Variants in ZFYVE1 observed in about 807,000 individuals in gnomAD.
The protein encoded by ZFYVE1 is zinc finger FYVE domain-containing protein 1.
ZFYVE1 carries 30 observed loss-of-function variants against 74.4 expected under a neutral mutation model. The observed-to-expected ratio is 0.40, with a 90% CI of 0.30 to 0.55. The LOEUF (loss-of-function observed/expected upper bound fraction) is 0.55, where lower values mean the gene tolerates loss of function less well. Ranked by LOEUF, ZFYVE1 falls within the 20% of genes least tolerant of loss-of-function variation. ZFYVE1 has a pLI of 0.42. For synonymous variants in ZFYVE1, 335 were observed against 385.1 expected, an observed-to-expected ratio of 0.87 and a Z score of 1.52; for missense variants, 703 against 1,011.6, an observed-to-expected ratio of 0.69 and a Z score of 4.14.
chr14:73,020,747 T>C (rs1462885604), intron 2 of ZFYVE1, among the ~76,000 whole-genome samples: 1 of 151,834 alleles, frequency 6.6e-6, no homozygotes, highest in African/African-American at 2.4e-5. Flanking sequence ...GAAGCCAGGG[T>C]AGGAGAATCA....
At chr14:72,999,664 T>G (rs1241751051) in intron 2 of ZFYVE1, among the ~76,000 whole-genome samples, 1 of 152,040 alleles carries the variant, frequency 6.6e-6, no homozygotes, top group Non-Finnish European at 1.5e-5. Flanking sequence ...CATGGTGGCA[T>G]CCATTTGTAA....
chr14:72,980,364 T>C (rs1320604833), intron 5 of ZFYVE1, among the ~76,000 whole-genome samples: 1 of 152,070 alleles, frequency 6.6e-6, no homozygotes, highest in Admixed American at 6.6e-5. Flanking sequence ...GTGGAAGGGA[T>C]TGTCTACAGG....
intron 2 of ZFYVE1, among the ~76,000 whole-genome samples, chr14:73,009,485 G>A (rs570457340): frequency 2.1e-3 from 313 of 152,330 alleles, no homozygotes; most frequent in African/African-American, 6.9e-3. Context: ...GGCTGGGCGC[G>A]GAGGCTCACG....
chr14:73,016,711 G>C (rs539853309), intron 2 of ZFYVE1, among the ~76,000 whole-genome samples: 89 of 148,304 alleles, frequency 6.0e-4, no homozygotes, highest in Non-Finnish European at 1.0e-3. Flanking sequence ...GTGAAACCTC[G>C]TCTCTACTAA....
At chr14:72,988,522 T>C (rs1264390569) in intron 4 of ZFYVE1, among the ~76,000 whole-genome samples, 2 of 151,674 alleles carry the variant, frequency 1.3e-5, no homozygotes, top group East Asian at 3.9e-4. Flanking sequence ...AATAGGCATT[T>C]CGGGCCTGGC....
In ZFYVE1 at chr14:72,993,368, A is replaced by G; in HGVS notation, c.989-11T>C. 6.2e-7 allele frequency: 1 copy of G among 1,605,656 alleles called. No individual in the cohort carries two copies. Among genetic ancestry groups the G allele is most frequent in the East Asian group, 2.2e-5 (1 of 44,674 alleles). ...CCTCTGAGGGATGATCTATACAAGC[A>G]GAAACACAGGCACATGGGTAGTGAG... On this transcript the variant is annotated splice_polypyrimidine_tract_variant and intron_variant, in intron 3 of 11. Coordinates refer to ENST00000556143, the MANE Select transcript of ZFYVE1 (RefSeq NM_021260.4).
chr14:73,019,351 G>A (rs1048622892), intron 2 of ZFYVE1, among the ~76,000 whole-genome samples: 34 of 152,102 alleles, frequency 2.2e-4, no homozygotes, highest in African/African-American at 8.2e-4. Flanking sequence ...GAGGCTGTAA[G>A]TGGAAGGATT....
intron 4 of ZFYVE1, among the ~76,000 whole-genome samples, chr14:72,983,279 C>T (rs1000023711): frequency 1.9e-4 from 29 of 151,530 alleles, no homozygotes; most frequent in Non-Finnish European, 3.8e-4. Context: ...ACATGTGCCA[C>T]GTTGGTGTGC....
chr14:72,993,163 C>T lies in ZFYVE1; in HGVS notation c.1183G>A (p.Val395Ile). The T allele has an allele frequency of 6.2e-7, 1 of 1,610,102 alleles. No individual in the cohort carries two copies. The highest frequency in any genetic ancestry group is 8.5e-7 in the Non-Finnish European group (1 of 1,177,628). The change falls in exon 4 of 12, where the codon GTC becomes ATC. Residue 395 changes from valine to isoleucine, a missense_variant. This residue lies in a region of ZFYVE1 where 492 missense variants were observed against 790.0 expected (regional missense o/e 0.62). Transcript: ENST00000556143. ...NTTRSPRHPG[V>I]IFKALKALSD... is the part of the protein sequence containing the mutation. ...CTGACCTTCAGGGCTTTGAAGATGA[C>T]TCCCGGGTGCCGGGGAGAACGGGTG...
chr14:72,995,680 T>C (rs765310703), intron 3 of ZFYVE1, among the ~76,000 whole-genome samples: 1 of 152,220 alleles, frequency 6.6e-6, no homozygotes, highest in Non-Finnish European at 1.5e-5. Context: ...TCACCTCCTC[T>C]CCTTATCTTC....
intron 1 of ZFYVE1, among the ~76,000 whole-genome samples, chr14:73,025,971 C>T (rs569806304): frequency 1.3e-5 from 2 of 152,234 alleles, no homozygotes; most frequent in African/African-American, 2.4e-5. Flanking sequence ...AACTTTAGAT[C>T]TATCAAATAC....
At chr14:73,009,753 C>A (rs936790474) in intron 2 of ZFYVE1, among the ~76,000 whole-genome samples, 3 of 151,920 alleles carry the variant, frequency 2.0e-5, no homozygotes, top group African/African-American at 7.3e-5. Context: ...GAGACTCCAT[C>A]TCAAAACGAA....
At chr14:73,006,473 G>A (rs1166491119) in intron 2 of ZFYVE1, among the ~76,000 whole-genome samples, 1 of 151,668 alleles carries the variant, frequency 6.6e-6, no homozygotes, top group African/African-American at 2.4e-5. Flanking sequence ...TACTCGGGAG[G>A]CTAAGGCGGG....
At chr14:73,008,505 T>C (rs1036604913) in intron 2 of ZFYVE1, among the ~76,000 whole-genome samples, 1 of 152,170 alleles carries the variant, frequency 6.6e-6, no homozygotes, top group Admixed American at 6.5e-5. Context: ...ATTCTTTTTT[T>C]AAAAAAAGTC....
intron 2 of ZFYVE1, among the ~76,000 whole-genome samples, chr14:73,003,984 AGG>A (rs1484758124): frequency 5.3e-5 from 8 of 152,180 alleles, no homozygotes; most frequent in African/African-American, 1.9e-4. Context: ...TTAGGTACCC[AGG>A]TACCTTAAAC....
At chr14:72,996,512 G>T (rs1474770607) in intron 3 of ZFYVE1, among the ~76,000 whole-genome samples, 1 of 152,052 alleles carries the variant, frequency 6.6e-6, no homozygotes, top group Non-Finnish European at 1.5e-5. Context: ...TCCTGCCTTG[G>T]CCTCCCAAAG....
chr14:72,992,925 G>C (rs1893654864), intron 4 of ZFYVE1, among the ~76,000 whole-genome samples: 1 of 152,076 alleles, frequency 6.6e-6, no homozygotes, highest in South Asian at 2.1e-4. Context: ...CTGAGGACCG[G>C]GCACTTTTTT....
intron 8 of ZFYVE1, among the ~76,000 whole-genome samples, chr14:72,977,299 G>A (rs1224309648): frequency 3.9e-5 from 6 of 152,080 alleles, no homozygotes; most frequent in East Asian, 1.9e-4. Context: ...CCAGCTACTC[G>A]GGAAGCTGAG....
intron 5 of ZFYVE1, chr14:72,979,237 C>A (rs191902988): frequency 1.6e-5 from 6 of 366,290 alleles, no homozygotes; most frequent in African/African-American, 1.0e-4. Flanking sequence ...CGGTGGCTCA[C>A]GTCTGTAATC....
Sources: allele counts gnomAD v4.1 joint callset (sites outside exome capture counted in the v4.1 genomes callset), GRCh38; gene constraint gnomAD v4.1.1; regional missense constraint gnomAD v4.1.1; transcripts MANE v1.5; gene names NCBI Gene and HGNC (gene_info 2026-07-23, HGNC 2026-07-21).